The following MAN1A1 variants were observed in gnomAD, a reference collection of about 807,000 sequenced individuals.
MAN1A1 encodes mannosyl-oligosaccharide 1,2-alpha-mannosidase IA.
In MAN1A1, 29 loss-of-function variants were observed where a neutral mutation model predicts 70.8. That is an observed-to-expected ratio of 0.41 (90% CI 0.31 to 0.56). The LOEUF (loss-of-function observed/expected upper bound fraction) is 0.56. Among genes scored for constraint, MAN1A1 ranks in the 20% least tolerant of loss-of-function variants. MAN1A1 has a pLI of 0.29. For missense variants in MAN1A1, 747 were observed against 841.3 expected (o/e 0.89, Z 1.39); for synonymous variants, 349 against 330.1 (o/e 1.06, Z -0.62).
At chr6:119,333,093 A>G (rs891505299) in intron 2 of MAN1A1, among the ~76,000 whole-genome samples, 3 of 152,212 alleles carry the variant, frequency 2.0e-5, no homozygotes, top group Non-Finnish European at 2.9e-5. Flanking sequence ...TGCTGTCTGC[A>G]AAAATCCCTC....
chr6:119,349,716 G>C lies in MAN1A1; in HGVS notation c.-397C>G, dbSNP rs991081502. 1 of 985,638 alleles carries C rather than the reference G, an allele frequency of 1.0e-6. No individual in the cohort carries two copies. Among genetic ancestry groups the C allele is most frequent in the Non-Finnish European group, 1.2e-6 (1 of 830,046 alleles). The allele number at this position is 985,638 out of a possible 1,614,324, so 61.1% of individuals were successfully genotyped here. ...CGCGCCGACCTGCGGGCGAATGGCAGCGAGTAGAGCAGCACGGTACACTCC... is the reference window on the plus strand; with the variant it reads ...CGCGCCGACCTGCGGGCGAATGGCACCGAGTAGAGCAGCACGGTACACTCC... On this transcript the variant is annotated 5_prime_UTR_variant, in exon 1 of 13. Transcript: ENST00000368468.
chr6:119,206,085 G>A (rs1408243133), intron 6 of MAN1A1, among the ~76,000 whole-genome samples: 1 of 152,202 alleles, frequency 6.6e-6, no homozygotes, highest in African/African-American at 2.4e-5. Flanking sequence ...TGAAGGGCAA[G>A]TACGAGTTGG....
rs1345745864 is a variant in MAN1A1, at chr6:119,189,786, G to C, written c.1424C>G (p.Thr475Ser). The C allele has an allele frequency of 6.2e-7, 1 of 1,614,002 alleles. No individual in the cohort carries two copies. Among genetic ancestry groups the C allele is most frequent in the Non-Finnish European group, 8.5e-7 (1 of 1,180,026 alleles). The change falls in exon 10 of 13, where the codon ACC becomes AGC. Residue 475 changes from threonine to serine, a missense_variant. Coordinates refer to ENST00000368468, the MANE Select transcript of MAN1A1 (RefSeq NM_005907.4). Reference sequence around the variant, plus strand: ...TGCGAACATGCCCCCCGCGAAGCAGGTCAGGTGGCCCATCTTGTGCTCCAG... The same window carrying C: ...TGCGAACATGCCCCCCGCGAAGCAGCTCAGGTGGCCCATCTTGTGCTCCAG... ...GLLEHKMGHLTCFAGGMFALG... is the reference protein window; with the variant it reads ...GLLEHKMGHLSCFAGGMFALG...
chr6:119,208,995 G>A lies in MAN1A1; in HGVS notation c.993-4113C>T, dbSNP rs369667614. 1.3e-3 allele frequency among the ~76,000 whole-genome samples: 190 copies of A among 151,276 alleles called. 1 individual carries two copies. Among genetic ancestry groups the A allele is most frequent in the African/African-American group, 4.6e-3 (188 of 41,196 alleles). On this transcript the variant is annotated intron_variant, in intron 6 of 12. Transcript: ENST00000368468. ...CTGTAGTCCCAGCTACCTGGGAAGT[G>A]GAGGCAGGAGGATCACTTGAGCCTG... is the stretch of plus-strand genomic sequence containing the variant.
At chr6:119,276,053 C>CTCT (rs748300772) in intron 5 of MAN1A1, among the ~76,000 whole-genome samples, 1 of 152,196 alleles carries the variant, frequency 6.6e-6, no homozygotes, top group African/African-American at 2.4e-5. Flanking sequence ...TGCCCTCCTT[C>CTCT]TCTTCTTCTT....
At chr6:119,254,941 C>T (rs989192281) in intron 5 of MAN1A1, among the ~76,000 whole-genome samples, 1 of 152,118 alleles carries the variant, frequency 6.6e-6, no homozygotes, top group African/African-American at 2.4e-5. Context: ...TTTCTTTACA[C>T]GTAAGTAACA....
At chr6:119,268,252 T>C (rs1775814148) in intron 5 of MAN1A1, among the ~76,000 whole-genome samples, 2 of 152,218 alleles carry the variant, frequency 1.3e-5, no homozygotes, top group Admixed American at 6.5e-5. Flanking sequence ...GCAAGATAAA[T>C]GCCTGATTCT....
intron 2 of MAN1A1, among the ~76,000 whole-genome samples, chr6:119,316,175 GT>G (rs5879501): frequency 0.019 from 2,188 of 116,148 alleles, 26 homozygotes; most frequent in African/African-American, 0.052. Context: ...ATTTTTGTGG[GT>G]TTTTTTTTTT....
intron 11 of MAN1A1, among the ~76,000 whole-genome samples, chr6:119,180,632 C>T (rs185483756): frequency 2.0e-5 from 3 of 152,022 alleles, no homozygotes; most frequent in African/African-American, 7.3e-5. Context: ...CCTGCCTCAG[C>T]CTCCCAAGTA....
chr6:119,201,212 A>G (rs1470471604), intron 8 of MAN1A1, 42 bp downstream of exon 8: 1 of 1,398,686 alleles, frequency 7.1e-7, no homozygotes, highest in Admixed American at 1.7e-5. Flanking sequence ...CCACGAGTAC[A>G]GTACCAAAAA....
At chr6:119,334,428 A>T (rs1178177644) in intron 2 of MAN1A1, among the ~76,000 whole-genome samples, 5 of 152,230 alleles carry the variant, frequency 3.3e-5, no homozygotes, top group Non-Finnish European at 7.3e-5. Context: ...TTTTAGGTTG[A>T]ATCATAAGAA....
Position 119,347,805 on chromosome 6 carries a change from T to C in MAN1A1, c.603+658A>G, listed in dbSNP as rs75773492. On this transcript the variant is annotated intron_variant, in intron 2 of 12. Transcript: ENST00000368468. ...AGTCCATGTTTATCCTGGATTAACT[T>C]TGTCACCATTGTGCTGCTGTGGAGG... Among the ~76,000 whole-genome samples, 141 of 152,372 alleles carry C rather than the reference T, an allele frequency of 9.3e-4. 2 individuals carry two copies. The East Asian group carries it at 0.026, about 28-fold the overall frequency.
Position 119,319,031 on chromosome 6 carries a change from G to A in MAN1A1, c.604-12039C>T, listed in dbSNP as rs551715175. Among the ~76,000 whole-genome samples, 31 of 152,126 alleles carry A rather than the reference G, an allele frequency of 2.0e-4. 1 individual carries two copies. Among genetic ancestry groups the A allele is most frequent in the Admixed American group, 2.0e-3 (30 of 15,278 alleles). On this transcript the variant is annotated intron_variant, in intron 2 of 12. Transcript: ENST00000368468. ...TCAGATTTCTCATTAAACACATGCA[G>A]AAAAAAAGTACTGAGATATGGATTA...
intron 5 of MAN1A1, among the ~76,000 whole-genome samples, chr6:119,271,585 C>T (rs907455607): frequency 2.7e-4 from 41 of 152,024 alleles, no homozygotes; most frequent in African/African-American, 6.5e-4. Flanking sequence ...CTGCAACCTC[C>T]GCCTCCTGGG....
intron 2 of MAN1A1, among the ~76,000 whole-genome samples, chr6:119,328,170 A>G (rs781498980): frequency 4.6e-5 from 7 of 152,202 alleles, no homozygotes; most frequent in Non-Finnish European, 1.0e-4. Flanking sequence ...AAGAAAACAC[A>G]CCACACAACA....
Position 119,309,987 on chromosome 6 carries a change from G to A in MAN1A1, c.604-2995C>T, listed in dbSNP as rs3798630. On this transcript the variant is annotated intron_variant, in intron 2 of 12. Transcript: ENST00000368468. Reference sequence around the variant, plus strand: ...AAAGGACTAAAAGGGAAGTATACAGGATGCTGTCTCATTTACTATCTCATT... The same window carrying A: ...AAAGGACTAAAAGGGAAGTATACAGAATGCTGTCTCATTTACTATCTCATT... 5.9e-3 allele frequency among the ~76,000 whole-genome samples: 896 copies of A among 152,278 alleles called. 30 individuals carry two copies. In the East Asian group the frequency reaches 0.09, roughly 15 times the overall value.
At chr6:119,209,867 T>C (rs989466728) in intron 6 of MAN1A1, among the ~76,000 whole-genome samples, 6 of 152,164 alleles carry the variant, frequency 3.9e-5, no homozygotes, top group South Asian at 2.1e-4. Context: ...AATGACTATC[T>C]CTCTGGGGAA....
chr6:119,282,664 A>G (rs1219203831), intron 5 of MAN1A1, among the ~76,000 whole-genome samples: 1 of 152,192 alleles, frequency 6.6e-6, no homozygotes, highest in Non-Finnish European at 1.5e-5. Flanking sequence ...CAATAATGCC[A>G]AATAGTAAAT....
chr6:119,242,920 T>C (rs1332621871), intron 6 of MAN1A1, among the ~76,000 whole-genome samples: 1 of 151,848 alleles, frequency 6.6e-6, no homozygotes. Context: ...AATGGCCAAA[T>C]GAATTAAAAT....
Sources: allele counts gnomAD v4.1 joint callset (sites outside exome capture counted in the v4.1 genomes callset), GRCh38; gene constraint gnomAD v4.1.1; transcripts MANE v1.5; gene names NCBI Gene and HGNC (gene_info 2026-07-23, HGNC 2026-07-21).